LRRC4C: variants seen among roughly 807,000 people sequenced by gnomAD.
LRRC4C encodes the protein leucine-rich repeat-containing protein 4C.
LRRC4C carries 5 observed loss-of-function variants against 33.6 expected under a neutral mutation model. The ratio of observed to expected loss-of-function variants is 0.15; its 90% confidence interval spans 0.08 to 0.31. The LOEUF (loss-of-function observed/expected upper bound fraction) is 0.31. Among genes scored for constraint, LRRC4C ranks in the 10% least tolerant of loss-of-function variants. The probability of loss-of-function intolerance (pLI) is 1.00; values close to 1 mark genes in which losing one functional copy is unlikely to be tolerated. For missense variants in LRRC4C, 560 were observed against 796.7 expected, an observed-to-expected ratio of 0.70 and a Z score of 3.58; for synonymous variants, 329 against 302.0, an observed-to-expected ratio of 1.09 and a Z score of -0.93.
chr11:40,379,281 T>C (rs370431751), intron 3 of LRRC4C, among the ~76,000 whole-genome samples: 2 of 151,928 alleles, frequency 1.3e-5, no homozygotes, highest in Non-Finnish European at 1.5e-5. Flanking sequence ...AATTATAATA[T>C]AAAATATAAA....
chr11:40,615,238 T>TTTTATATATATATATATATATA (rs1408452073), intron 3 of LRRC4C, among the ~76,000 whole-genome samples: 4 of 88,148 alleles, frequency 4.5e-5, no homozygotes, highest in African/African-American at 1.6e-4. Flanking sequence ...TTGATTTATT[T>TTTTATATATATATATATATATA]TATATATATA....
chr11:40,620,880 G>A (rs1450607256), intron 3 of LRRC4C, among the ~76,000 whole-genome samples: 3 of 151,760 alleles, frequency 2.0e-5, no homozygotes, highest in Admixed American at 2.0e-4. Context: ...AGGATATGGA[G>A]CAATAATATT....
chr11:41,368,145 G>A (rs1280932592), intron 1 of LRRC4C, among the ~76,000 whole-genome samples: 1 of 152,112 alleles, frequency 6.6e-6, no homozygotes, highest in African/African-American at 2.4e-5. Context: ...AGATATCCAA[G>A]CACCAATCAT....
At chr11:40,690,005 A>C (rs1945153546) in intron 2 of LRRC4C, among the ~76,000 whole-genome samples, 1 of 152,238 alleles carries the variant, frequency 6.6e-6, no homozygotes, top group Non-Finnish European at 1.5e-5. Context: ...TGTGCAATGC[A>C]TTCAAAGTAA....
intron 1 of LRRC4C, among the ~76,000 whole-genome samples, chr11:41,141,919 T>G (rs1943524079): frequency 6.6e-6 from 1 of 152,098 alleles, no homozygotes; most frequent in South Asian, 2.1e-4. Context: ...AAATGCTGGT[T>G]ATAAAAAATT....
intron 2 of LRRC4C, among the ~76,000 whole-genome samples, chr11:40,894,068 T>C (rs1358922720): frequency 6.6e-6 from 1 of 152,132 alleles, no homozygotes; most frequent in Non-Finnish European, 1.5e-5. Flanking sequence ...TGGTTCAGTT[T>C]GTTAATTGAA....
intron 1 of LRRC4C, among the ~76,000 whole-genome samples, chr11:41,417,124 G>A (rs1221740850): frequency 6.6e-6 from 1 of 151,990 alleles, no homozygotes; most frequent in Non-Finnish European, 1.5e-5. Context: ...AATTATCTAG[G>A]AAATTGTGAG....
rs544678605 is a variant in LRRC4C, at chr11:41,449,259, G to A, written c.-496+10172C>T. Among the ~76,000 whole-genome samples the A allele has an allele frequency of 1.2e-3, 181 of 152,272 alleles. 1 individual carries two copies. Among genetic ancestry groups the A allele is most frequent in the African/African-American group, 4.2e-3 (174 of 41,562 alleles). Reference sequence around the variant, plus strand: ...ACAGAAAGTGGGCCTGGGGGCTTAGGCAGATGTTGGAAAAGTTGGAGCTAA... The same window carrying A: ...ACAGAAAGTGGGCCTGGGGGCTTAGACAGATGTTGGAAAAGTTGGAGCTAA... On this transcript the variant is annotated intron_variant, in intron 1 of 6. Coordinates refer to ENST00000528697, the MANE Select transcript of LRRC4C (RefSeq NM_001258419.2).
intron 1 of LRRC4C, among the ~76,000 whole-genome samples, chr11:41,255,782 A>C (rs547154476): frequency 6.6e-6 from 1 of 152,086 alleles, no homozygotes; most frequent in East Asian, 1.9e-4. Flanking sequence ...CAGATTAAAC[A>C]ACTCTGCTAA....
chr11:41,431,682 G>A (rs1309554553), intron 1 of LRRC4C, among the ~76,000 whole-genome samples: 1 of 151,802 alleles, frequency 6.6e-6, no homozygotes, highest in African/African-American at 2.4e-5. Flanking sequence ...CACATGCCCA[G>A]TTAAATTTCT....
At chr11:40,764,699 T>C (rs781536883) in intron 2 of LRRC4C, among the ~76,000 whole-genome samples, 14 of 151,690 alleles carry the variant, frequency 9.2e-5, no homozygotes, top group Non-Finnish European at 1.6e-4. Context: ...ACAGGGGTGC[T>C]TGTGACACTA....
intron 3 of LRRC4C, among the ~76,000 whole-genome samples, chr11:40,600,456 T>G (rs1959871317): frequency 6.6e-6 from 1 of 152,208 alleles, no homozygotes; most frequent in African/African-American, 2.4e-5. Flanking sequence ...TACTAAGTGG[T>G]TTTTCAATAG....
intron 1 of LRRC4C, among the ~76,000 whole-genome samples, chr11:40,950,940 T>A (rs355224): frequency 0.75 from 113,491 of 151,476 alleles, 43,078 homozygotes; most frequent in Non-Finnish European, 0.81. Flanking sequence ...GTACATACAG[T>A]TCTACTCCAT....
At chr11:41,450,959 T>G (rs894173821) in intron 1 of LRRC4C, among the ~76,000 whole-genome samples, 4 of 152,110 alleles carry the variant, frequency 2.6e-5, no homozygotes, top group Admixed American at 6.6e-5. Context: ...TTCTCTGAGT[T>G]TTACGTGCTG....
chr11:41,120,188 G>A (rs1444259499), intron 1 of LRRC4C, among the ~76,000 whole-genome samples: 1 of 152,080 alleles, frequency 6.6e-6, no homozygotes, highest in East Asian at 1.9e-4. Context: ...AAGGAGTCCA[G>A]AGGCTGAGCA....
intron 3 of LRRC4C, among the ~76,000 whole-genome samples, chr11:40,406,928 C>T (rs531161589): frequency 6.6e-6 from 1 of 152,178 alleles, no homozygotes; most frequent in South Asian, 2.1e-4. Context: ...GCTGCTCCCC[C>T]TTCTCCAAGA....
intron 2 of LRRC4C, among the ~76,000 whole-genome samples, chr11:40,906,249 G>A (rs1024924931): frequency 2.0e-5 from 3 of 152,330 alleles, no homozygotes; most frequent in South Asian, 2.1e-4. Flanking sequence ...AGTGGCTCAC[G>A]CCTGTGCTCC....
intron 3 of LRRC4C, among the ~76,000 whole-genome samples, chr11:40,515,939 A>C (rs1202740914): frequency 1.3e-5 from 2 of 152,092 alleles, no homozygotes; most frequent in Non-Finnish European, 2.9e-5. Flanking sequence ...ATTTTATGAT[A>C]GTGCATATGA....
Position 40,433,549 on chromosome 11 carries a change from G to A in LRRC4C, c.-269-113828C>T, listed in dbSNP as rs145580642. ...AGAGAGAGATAGAGGAAACTGAAAG[G>A]AAAAAAAATTAGATAGTTACTAACT... On this transcript the variant is annotated intron_variant, in intron 3 of 6. Coordinates refer to ENST00000528697, the MANE Select transcript of LRRC4C (RefSeq NM_001258419.2). Among the ~76,000 whole-genome samples the A allele has an allele frequency of 2.8e-4, 42 of 151,848 alleles. 1 individual carries two copies. The East Asian group carries it at 8.1e-3, about 29-fold the overall frequency.
Sources: allele counts gnomAD v4.1 joint callset (sites outside exome capture counted in the v4.1 genomes callset), GRCh38; gene constraint gnomAD v4.1.1; transcripts MANE v1.5; gene names NCBI Gene and HGNC (gene_info 2026-07-23, HGNC 2026-07-21).